MYEF2: variants seen among roughly 807,000 people sequenced by gnomAD.
MYEF2 encodes myelin expression factor 2.
Under a neutral mutation model 75.2 loss-of-function variants are expected in MYEF2, and 37 were observed. The observed-to-expected ratio is 0.49, with a 90% CI of 0.38 to 0.65. MYEF2 has a LOEUF of 0.65. MYEF2 is among the 30% of genes least tolerant of loss of function. The pLI is 0.00. For missense variants in MYEF2, 634 were observed against 771.4 expected (o/e 0.82, Z 2.11); for synonymous variants, 195 against 241.6 (o/e 0.81, Z 1.79).
At chr15:48,158,270 A>G (rs1481162776) in intron 7 of MYEF2, 46 bp from the exon 8 acceptor site, 4 of 1,555,658 alleles carry the variant, frequency 2.6e-6, no homozygotes, top group Non-Finnish European at 1.8e-6. Flanking sequence ...CTATAAAATT[A>G]TAACAGAACA....
At position 48,140,985 on chromosome 15, in the gene MYEF2, C is replaced by T. The variant is rs756274237; in HGVS notation, c.*1923G>A. ...GCTAGCTAAAAAACTAATAAGCAAG[C>T]ACATATTGGCTCTGAATTCTAAATG... On this transcript the variant is annotated 3_prime_UTR_variant, in exon 17 of 17. Transcript: ENST00000324324. 20 of 667,542 alleles carry T rather than the reference C, an allele frequency of 3.0e-5. No homozygotes were observed. Among genetic ancestry groups the T allele is most frequent in the Non-Finnish European group, 4.8e-5 (19 of 397,066 alleles). 41.4% of individuals were successfully genotyped at this position (667,542 alleles called of 1,614,324 possible). A position where few individuals can be genotyped will look rare whatever the true frequency, so the allele number is the denominator to read the frequency against.
chr15:48,138,386 C>T lies in MYEF2; in HGVS notation c.*4522G>A, dbSNP rs1312842609. Reference sequence around the variant, plus strand: ...TTGTACTTTAGATGATATACTACCTCCTACTTTAAGGTTATTTCTATGAAC... The same window carrying T: ...TTGTACTTTAGATGATATACTACCTTCTACTTTAAGGTTATTTCTATGAAC... On this transcript the variant is annotated 3_prime_UTR_variant, in exon 17 of 17. Transcript: ENST00000324324. The T allele has an allele frequency of 1.3e-5, 2 of 151,882 alleles. No individual in the cohort carries two copies. The highest frequency in any genetic ancestry group is 1.3e-4 in the Admixed American group (2 of 15,232). The allele number at this position is 151,882 out of a possible 1,614,324, so 9.4% of individuals were successfully genotyped here. A position where few individuals can be genotyped will look rare whatever the true frequency, so the allele number is the denominator to read the frequency against.
intron 10 of MYEF2, chr15:48,153,509 T>A: frequency 3.6e-6 from 1 of 280,430 alleles, no homozygotes; most frequent in Non-Finnish European, 6.8e-6. Context: ...ATACTGTTCA[T>A]AGATGATATA....
rs2140750879 is a variant in MYEF2, at chr15:48,138,430, TAATA to T, written c.*4474_*4477del. 6.6e-6 allele frequency: 1 copy of T among 152,302 alleles called. No homozygotes were observed. Among genetic ancestry groups the T allele is most frequent in the Non-Finnish European group, 1.5e-5 (1 of 68,044 alleles). The allele number at this position is 152,302 out of a possible 1,614,324, so 9.4% of individuals were successfully genotyped here. On this transcript the variant is annotated 3_prime_UTR_variant, in exon 17 of 17. Coordinates refer to ENST00000324324, the MANE Select transcript of MYEF2 (RefSeq NM_016132.5). ...TATGAACTGTGGTAAAGTCTGAATT[TAATA>T]AATAAAATAGTAATGAAATAGGACA...
At position 48,135,104 on chromosome 15, in the gene MYEF2, C is replaced by G; in HGVS notation, c.*7804G>C. 5.7e-6 allele frequency: 4 copies of G among 696,298 alleles called. No individual in the cohort carries two copies. The highest frequency in any genetic ancestry group is 9.8e-6 in the Non-Finnish European group (4 of 406,848). 43.1% of individuals were successfully genotyped at this position (696,298 alleles called of 1,614,324 possible). On this transcript the variant is annotated 3_prime_UTR_variant, in exon 17 of 17. Transcript: ENST00000324324. ...TAATCTGCCACTTCTATACCATATT[C>G]CAACAGGTCTGTGAGTTAACCTCAT...
At position 48,152,295 on chromosome 15, in the gene MYEF2, A is replaced by C. The variant is rs1156539046; in HGVS notation, c.1088-11T>G. ...CATCCATTCCCATACCTCAAATAAA[A>C]TACACAGTATGTACTTTAAGTATAT... On this transcript the variant is annotated splice_polypyrimidine_tract_variant and intron_variant, in intron 10 of 16. Coordinates refer to ENST00000324324, the MANE Select transcript of MYEF2 (RefSeq NM_016132.5). 4.4e-6 allele frequency: 7 copies of C among 1,598,834 alleles called. No homozygotes were observed. In the Admixed American group the frequency reaches 8.4e-5, roughly 19 times the overall value.
chr15:48,176,064 A>T (rs1292598487), intron 1 of MYEF2, among the ~76,000 whole-genome samples: 1 of 152,148 alleles, frequency 6.6e-6, no homozygotes. Context: ...GATGACAAGC[A>T]GTACTCTGTT....
At position 48,139,129 on chromosome 15, in the gene MYEF2, G is replaced by C; in HGVS notation, c.*3779C>G. ...TAACCTTTTTCATGTCTGCAATATGGATATCCGCATTTACATATATCCTGG... is the reference window on the plus strand; with the variant it reads ...TAACCTTTTTCATGTCTGCAATATGCATATCCGCATTTACATATATCCTGG... On this transcript the variant is annotated 3_prime_UTR_variant, in exon 17 of 17. Transcript: ENST00000324324. The C allele has an allele frequency of 6.2e-7, 1 of 1,612,898 alleles. No homozygotes were observed. The highest frequency in any genetic ancestry group is 1.1e-5 in the South Asian group (1 of 91,016).
intron 1 of MYEF2, among the ~76,000 whole-genome samples, chr15:48,173,593 T>C (rs576148331): frequency 6.6e-6 from 1 of 152,168 alleles, no homozygotes; most frequent in South Asian, 2.1e-4. Context: ...TATAGAAAAT[T>C]ATTCAGAGAA....
At chr15:48,169,723 A>C (rs1567273063) in intron 1 of MYEF2, 2 of 151,806 alleles carry the variant, frequency 1.3e-5, no homozygotes, top group Non-Finnish European at 2.9e-5. Flanking sequence ...TAGCCTCCTG[A>C]GCAGCTGGGA....
chr15:48,151,515 T>C lies in MYEF2; in HGVS notation c.1264A>G (p.Ile422Val). 3 of 1,613,142 alleles carry C rather than the reference T, an allele frequency of 1.9e-6. No individual in the cohort carries two copies. The highest frequency in any genetic ancestry group is 1.1e-5 in the South Asian group (1 of 91,046). Residue 422 changes from isoleucine to valine, a missense_variant, in exon 13 of 17, where the codon ATT becomes GTT. Coordinates refer to ENST00000324324, the MANE Select transcript of MYEF2 (RefSeq NM_016132.5). Reference sequence around the variant, plus strand: ...TCTCCAAAGCCTCGATTTATTCCAATATCACCACGTCCAAAATCTCGCTCC... The same window carrying C: ...TCTCCAAAGCCTCGATTTATTCCAACATCACCACGTCCAAAATCTCGCTCC... ...SMERDFGRGD[I>V]GINRGFGDSF...
chr15:48,173,036 A>T (rs1394335927), intron 1 of MYEF2, among the ~76,000 whole-genome samples: 1 of 152,208 alleles, frequency 6.6e-6, no homozygotes, highest in Admixed American at 6.5e-5. Context: ...CAAGACAAGG[A>T]TCCTACAAGA....
intron 16 of MYEF2, among the ~76,000 whole-genome samples, chr15:48,148,072 T>A (rs961398333): frequency 1.3e-5 from 2 of 151,932 alleles, no homozygotes; most frequent in Non-Finnish European, 2.9e-5. Context: ...TATAAAGAAA[T>A]ATGAGATAAT....
intron 10 of MYEF2, 169 bp from the exon 11 acceptor site, chr15:48,152,453 TC>T: frequency 1.9e-6 from 1 of 533,232 alleles, no homozygotes; most frequent in Non-Finnish European, 3.3e-6. Flanking sequence ...ATAGCAGCTG[TC>T]TAATCATGAA....
Position 48,141,229 on chromosome 15 carries a change from C to T in MYEF2, c.*1679G>A. 6.4e-7 allele frequency: 1 copy of T among 1,566,684 alleles called. No individual in the cohort carries two copies. The highest frequency in any genetic ancestry group is 8.8e-7 in the Non-Finnish European group (1 of 1,137,274). ...TGCAAGAAAAGGTAAGAACTAGGTC[C>T]CTCAAGCTGCAATGGTCATTCTACA... On this transcript the variant is annotated 3_prime_UTR_variant, in exon 17 of 17. Coordinates refer to ENST00000324324, the MANE Select transcript of MYEF2 (RefSeq NM_016132.5).
intron 1 of MYEF2, among the ~76,000 whole-genome samples, chr15:48,174,042 T>G (rs1193206839): frequency 6.6e-6 from 1 of 152,016 alleles, no homozygotes; most frequent in Non-Finnish European, 1.5e-5. Context: ...AAAGCAAGCT[T>G]AAACAAGAAG....
intron 5 of MYEF2, among the ~76,000 whole-genome samples, chr15:48,161,621 G>A (rs912964202): frequency 6.6e-6 from 1 of 150,940 alleles, no homozygotes; most frequent in Admixed American, 6.6e-5. Context: ...TATTACTGAG[G>A]ATCTACAATG....
At chr15:48,172,445 A>C (rs2040377173) in intron 1 of MYEF2, among the ~76,000 whole-genome samples, 1 of 151,630 alleles carries the variant, frequency 6.6e-6, no homozygotes, top group Non-Finnish European at 1.5e-5. Context: ...CTAACTTTAC[A>C]CCTCAAGGAA....
chr15:48,174,603 G>A (rs1291027442), intron 1 of MYEF2, among the ~76,000 whole-genome samples: 1 of 151,832 alleles, frequency 6.6e-6, no homozygotes, highest in Non-Finnish European at 1.5e-5. Flanking sequence ...CAACTCAATA[G>A]CAACCCAATT....
Sources: gnomAD v4.1 joint callset for allele counts (sites outside exome capture counted in the v4.1 genomes callset) on GRCh38, gnomAD v4.1.1 for gene constraint, MANE v1.5 for transcripts, NCBI Gene and HGNC (gene_info 2026-07-23, HGNC 2026-07-21) for gene names.